KLF12: variants seen among roughly 807,000 people sequenced by gnomAD.
The protein encoded by KLF12 is KLF transcription factor 12.
KLF12 carries 9 observed loss-of-function variants against 37.8 expected under a neutral mutation model. The ratio of observed to expected loss-of-function variants is 0.24; its 90% CI spans 0.14 to 0.42. The LOEUF is 0.42. KLF12 is among the 10% of genes least tolerant of loss of function. The probability of loss-of-function intolerance (pLI) is 1.00; values close to 1 mark genes in which losing one functional copy is unlikely to be tolerated. For missense variants in KLF12, 411 were observed against 516.0 expected (o/e 0.80, Z 1.97); for synonymous variants, 208 against 202.1 (o/e 1.03, Z -0.25).
At chr13:74,139,951 C>T in the KLF12 span, among the ~76,000 whole-genome samples, 3 of 151,388 alleles carry the variant, frequency 2.0e-5, no homozygotes, top group South Asian at 6.2e-4. Flanking sequence ...TGCAAAATAC[C>T]ACTTTAATTT....
the KLF12 span, among the ~76,000 whole-genome samples, chr13:74,171,348 G>A: frequency 6.6e-6 from 1 of 152,090 alleles, no homozygotes; most frequent in African/African-American, 2.4e-5. Flanking sequence ...GGCTGCTCTT[G>A]GCATTCTCAG....
At chr13:74,110,759 G>A (rs1242136190) in intron 1 of KLF12, among the ~76,000 whole-genome samples, 3 of 152,104 alleles carry the variant, frequency 2.0e-5, no homozygotes, top group Non-Finnish European at 4.4e-5. Flanking sequence ...GCACTGAGGT[G>A]AGAGATACAG....
upstream of KLF12, among the ~76,000 whole-genome samples, chr13:74,135,422 GC>G (rs1878512544): frequency 6.6e-6 from 1 of 151,812 alleles, no homozygotes; most frequent in Admixed American, 6.6e-5. Context: ...CTCCCCGGCA[GC>G]CCCTCCCTCC....
intron 5 of KLF12, among the ~76,000 whole-genome samples, chr13:73,787,668 G>A (rs1403350189): frequency 6.6e-6 from 1 of 152,142 alleles, no homozygotes; most frequent in Admixed American, 6.5e-5. Flanking sequence ...TGGAAGTTTG[G>A]GGATTGGAAC....
chr13:73,880,744 C>T (rs1305145362), intron 3 of KLF12, among the ~76,000 whole-genome samples: 1 of 152,156 alleles, frequency 6.6e-6, no homozygotes, highest in East Asian at 1.9e-4. Context: ...GACAATTTTT[C>T]TAAATCCCAG....
chr13:73,740,069 C>T (rs542346307), intron 6 of KLF12, among the ~76,000 whole-genome samples: 152 of 152,242 alleles, frequency 1.0e-3, no homozygotes, highest in African/African-American at 3.4e-3. Flanking sequence ...GAAACTGTCT[C>T]ATTTAGGTAT....
intron 1 of KLF12, among the ~76,000 whole-genome samples, chr13:74,119,948 CAAAGA>C (rs780281039): frequency 2.2e-5 from 3 of 137,232 alleles, no homozygotes; most frequent in East Asian, 4.2e-4. Context: ...TGAAGGCAGC[CAAAGA>C]AAAGAAAAAA....
At chr13:74,095,695 T>C (rs955513636) in intron 1 of KLF12, among the ~76,000 whole-genome samples, 1 of 152,236 alleles carries the variant, frequency 6.6e-6, no homozygotes, top group Non-Finnish European at 1.5e-5. Context: ...CACCTTTCAT[T>C]GTAACTTTTA....
At chr13:74,070,616 T>C (rs1188560390) in intron 1 of KLF12, among the ~76,000 whole-genome samples, 2 of 152,162 alleles carry the variant, frequency 1.3e-5, no homozygotes, top group African/African-American at 4.8e-5. Flanking sequence ...TAGGCAGGGA[T>C]AGGCCCACTA....
intron 2 of KLF12, among the ~76,000 whole-genome samples, chr13:73,968,106 G>A (rs1481671884): frequency 1.3e-5 from 2 of 152,178 alleles, no homozygotes; most frequent in African/African-American, 2.4e-5. Flanking sequence ...TCCTGGATAA[G>A]TCACTTAACA....
chr13:74,167,660 A>G, the KLF12 span, among the ~76,000 whole-genome samples: 2 of 152,200 alleles, frequency 1.3e-5, no homozygotes, highest in Non-Finnish European at 2.9e-5. Context: ...AGTAGCTAAC[A>G]TATGCCAGGT....
intron 4 of KLF12, among the ~76,000 whole-genome samples, chr13:73,828,070 T>C (rs1350174970): frequency 1.3e-5 from 2 of 152,148 alleles, no homozygotes; most frequent in Non-Finnish European, 2.9e-5. Context: ...ATGTCTGAAT[T>C]TTGTTTTTTT....
the KLF12 span, among the ~76,000 whole-genome samples, chr13:74,160,843 C>T: frequency 6.6e-6 from 1 of 152,070 alleles, no homozygotes; most frequent in Non-Finnish European, 1.5e-5. Context: ...TGCAAGTACA[C>T]AAGGCTCGTT....
At position 73,732,168 on chromosome 13, in the gene KLF12, C is replaced by A. The variant is rs577167709; in HGVS notation, c.870-16643G>T. Among the ~76,000 whole-genome samples, 145 of 151,370 alleles carry A rather than the reference C, an allele frequency of 9.6e-4. 1 individual carries two copies. Among genetic ancestry groups the A allele is most frequent in the Non-Finnish European group, 1.9e-3 (127 of 67,906 alleles). ...GCGTGATCTCGACTCACTGCAACCTCCACCTCCCGGGTTCAAGTGATTCTC... is the reference window on the plus strand; with the variant it reads ...GCGTGATCTCGACTCACTGCAACCTACACCTCCCGGGTTCAAGTGATTCTC... On this transcript the variant is annotated intron_variant, in intron 6 of 7. Coordinates refer to ENST00000377669, the MANE Select transcript of KLF12 (RefSeq NM_007249.5).
At chr13:74,093,953 G>GT (rs967889151) in intron 1 of KLF12, among the ~76,000 whole-genome samples, 1 of 132,072 alleles carries the variant, frequency 7.6e-6, no homozygotes, top group African/African-American at 2.8e-5. Flanking sequence ...TTCATTAGGA[G>GT]TATCAGTAAA....
chr13:73,863,829 T>C (rs545952791), intron 3 of KLF12, among the ~76,000 whole-genome samples: 1 of 152,140 alleles, frequency 6.6e-6, no homozygotes, highest in African/African-American at 2.4e-5. Context: ...CCAGGAGGGC[T>C]TGGGGTGGAA....
At chr13:73,711,360 G>A (rs1435490723) in intron 7 of KLF12, among the ~76,000 whole-genome samples, 2 of 152,194 alleles carry the variant, frequency 1.3e-5, no homozygotes, top group African/African-American at 4.8e-5. Context: ...AGGACTTTCT[G>A]AGCTAGAGAG....
chr13:74,044,464 C>T (rs1296977411), intron 1 of KLF12, among the ~76,000 whole-genome samples: 1 of 151,632 alleles, frequency 6.6e-6, no homozygotes, highest in Non-Finnish European at 1.5e-5. Flanking sequence ...CTTGAAAGTA[C>T]CAGAAAGTAG....
intron 3 of KLF12, among the ~76,000 whole-genome samples, chr13:73,937,823 T>A (rs1566471247): frequency 6.6e-6 from 1 of 152,230 alleles, no homozygotes; most frequent in Non-Finnish European, 1.5e-5. Flanking sequence ...TCTGACATTA[T>A]TAAAATCAGT....
Sources: allele counts gnomAD v4.1 joint callset (sites outside exome capture counted in the v4.1 genomes callset), GRCh38; gene constraint gnomAD v4.1.1; transcripts MANE v1.5; gene names NCBI Gene and HGNC (gene_info 2026-07-23, HGNC 2026-07-21).